Variants in CUX2 observed in about 807,000 individuals in gnomAD.
The protein encoded by CUX2 is homeobox protein cut-like 2.
A neutral mutation model predicts 144.8 loss-of-function variants in CUX2; 40 were observed. The observed-to-expected ratio is 0.28, with a 90% confidence interval of 0.21 to 0.36. CUX2 has a LOEUF of 0.36. Ranked by LOEUF, CUX2 falls within the 10% of genes least tolerant of loss-of-function variation. The pLI is 1.00. For synonymous variants in CUX2, 827 were observed against 875.6 expected, an observed-to-expected ratio of 0.94 and a Z score of 0.98; for missense variants, 1,615 against 1,994.0, an observed-to-expected ratio of 0.81 and a Z score of 3.62.
rs1877717755 is a variant in CUX2 at position 111,160,902 on chromosome 12, A to G, written c.64-53298A>G. On this transcript the variant is annotated intron_variant, in intron 1 of 21. Transcript: ENST00000261726. This position sits in a 1 kb window ranked among gnomAD's most constrained non-coding sequence, Gnocchi z 4.1. ...TCCGTGCCGCTTCCTGCCATGGGGA[A>G]GATGCAGGGAGGAATAGCGGGAGCA... is the stretch of plus-strand genomic sequence containing the variant. Among the ~76,000 whole-genome samples, 1 of 152,136 alleles carries G rather than the reference A, an allele frequency of 6.6e-6. No homozygotes were observed. Among genetic ancestry groups the G allele is most frequent in the Non-Finnish European group, 1.5e-5 (1 of 68,002 alleles).
chr12:111,098,900 C>T (rs1322532375), intron 1 of CUX2, among the ~76,000 whole-genome samples: 1 of 152,246 alleles, frequency 6.6e-6, no homozygotes, highest in African/African-American at 2.4e-5. Flanking sequence ...AAAGGGGGAG[C>T]ACCGCAGACT....
rs747244775 is a variant in CUX2 at position 111,308,449 on chromosome 12, C to T, written c.1181C>T (p.Ser394Leu). The change falls in exon 14 of 22, where the codon TCA (serine) becomes TTA (leucine). Residue 394 changes from serine (S) to leucine (L), a missense_variant. Transcript: ENST00000261726. ...LPQGMAKPEDSLLIAKEAFFP... is the reference protein window; with the variant it reads ...LPQGMAKPEDLLLIAKEAFFP... Reference sequence around the variant, plus strand: ...TAGGGCATGGCCAAGCCTGAAGACTCACTGCTTATTGCAAAGGAGGCCTTC... The same window carrying T: ...TAGGGCATGGCCAAGCCTGAAGACTTACTGCTTATTGCAAAGGAGGCCTTC... The T allele has an allele frequency of 5.0e-6, 8 of 1,614,146 alleles. No individual in the cohort carries two copies. The South Asian group carries it at 7.7e-5, about 16-fold the overall frequency.
At chr12:111,134,018 G>C (rs1392687190) in intron 1 of CUX2, among the ~76,000 whole-genome samples, 1 of 152,148 alleles carries the variant, frequency 6.6e-6, no homozygotes, top group Admixed American at 6.5e-5. Context: ...AACTTGCATT[G>C]TAATTCAGCC....
chr12:111,309,215 C>A (rs1886751765), intron 14 of CUX2, among the ~76,000 whole-genome samples: 1 of 152,202 alleles, frequency 6.6e-6, no homozygotes, highest in Non-Finnish European at 1.5e-5. Flanking sequence ...ACCCACTGAA[C>A]TTTTAGCCTT....
chr12:111,295,260 T>G lies in CUX2; in HGVS notation c.561-73T>G, dbSNP rs1200672964. 2.1e-6 allele frequency: 3 copies of G among 1,407,684 alleles called. No homozygotes were observed. The highest frequency in any genetic ancestry group is 2.9e-6 in the Non-Finnish European group (3 of 1,017,008). 87.2% of individuals were successfully genotyped at this position (1,407,684 alleles called of 1,614,324 possible). On this transcript the variant is annotated intron_variant, in intron 6 of 21. Transcript: ENST00000261726. The surrounding 1 kb of genome is among the most constrained non-coding windows in gnomAD (Gnocchi z 5.0). ...AGTGGGCAAGGGGTAGGAAGCAAGA[T>G]GGGGCTCGACTCGGGGGCCCCAGGC...
intron 1 of CUX2, among the ~76,000 whole-genome samples, chr12:111,074,982 T>G (rs1168449833): frequency 6.6e-6 from 1 of 152,110 alleles, no homozygotes; most frequent in African/African-American, 2.4e-5. Context: ...GTTCAGAGCC[T>G]TAGGGATTCT....
At chr12:111,316,428 G>A (rs1019021158) in intron 16 of CUX2, among the ~76,000 whole-genome samples, 3 of 147,534 alleles carry the variant, frequency 2.0e-5, no homozygotes, top group Non-Finnish European at 4.4e-5. Flanking sequence ...TTACACGCTT[G>A]AGCCACCGCG....
intron 1 of CUX2, among the ~76,000 whole-genome samples, chr12:111,102,036 C>G (rs1291179556): frequency 6.6e-6 from 1 of 152,222 alleles, no homozygotes; most frequent in African/African-American, 2.4e-5. Context: ...CCTGTCGGCA[C>G]ACAATATCCT....
chr12:111,100,289 G>A (rs1873140626), intron 1 of CUX2, among the ~76,000 whole-genome samples: 1 of 152,086 alleles, frequency 6.6e-6, no homozygotes, highest in Non-Finnish European at 1.5e-5. Context: ...ATGTATGCGT[G>A]GCCTGTGTGG....
intron 1 of CUX2, among the ~76,000 whole-genome samples, chr12:111,067,996 AC>A (rs1196953265): frequency 1.3e-5 from 2 of 151,758 alleles, no homozygotes; most frequent in Non-Finnish European, 2.9e-5. Flanking sequence ...GCCCATCACG[AC>A]CCCTCTAGCA....
chr12:111,144,384 C>T (rs972594352), intron 1 of CUX2, among the ~76,000 whole-genome samples: 4 of 152,204 alleles, frequency 2.6e-5, no homozygotes, highest in Non-Finnish European at 4.4e-5. Context: ...CGGAACGTCT[C>T]TTTTGGCCTC....
intron 1 of CUX2, among the ~76,000 whole-genome samples, chr12:111,067,014 T>A (rs1222916359): frequency 6.6e-6 from 1 of 152,228 alleles, no homozygotes; most frequent in Non-Finnish European, 1.5e-5. Flanking sequence ...CTGTTTCTCA[T>A]GATAACCGAC....
At chr12:111,092,117 A>G (rs1872591152) in intron 1 of CUX2, among the ~76,000 whole-genome samples, 1 of 152,240 alleles carries the variant, frequency 6.6e-6, no homozygotes, top group Admixed American at 6.5e-5. Flanking sequence ...GGGTACCACA[A>G]TTCAACCCAA....
At position 111,312,351 on chromosome 12, in the gene CUX2, G is replaced by T; in HGVS notation, c.2002+150G>T. 1 of 609,336 alleles carries T rather than the reference G, an allele frequency of 1.6e-6. No homozygotes were observed. 37.7% of individuals were successfully genotyped at this position (609,336 alleles called of 1,614,324 possible). On this transcript the variant is annotated intron_variant, in intron 16 of 21. Transcript: ENST00000261726. The surrounding 1 kb of genome is among the most constrained non-coding windows in gnomAD (Gnocchi z 4.3). ...AGAGGGACCTGTCTAGAGCGCATGG[G>T]TAGCTGTGGCACTGCTCAGAACCCT... is the stretch of plus-strand genomic sequence containing the variant.
intron 21 of CUX2, among the ~76,000 whole-genome samples, chr12:111,342,956 C>CAAAAAAAA (rs11314694): frequency 1.5e-5 from 1 of 68,468 alleles, no homozygotes; most frequent in Non-Finnish European, 2.8e-5. Context: ...GAGACTATCT[C>CAAAAAAAA]AAAAAAAAAA....
At chr12:111,189,577 G>GTATT (rs1337952567) in intron 1 of CUX2, among the ~76,000 whole-genome samples, 1 of 152,228 alleles carries the variant, frequency 6.6e-6, no homozygotes, top group Non-Finnish European at 1.5e-5. Context: ...GATCACAAAT[G>GTATT]TATTTATCCA....
chr12:111,099,871 G>A (rs1873100395), intron 1 of CUX2: 6 of 434,422 alleles, frequency 1.4e-5, no homozygotes, highest in East Asian at 7.0e-5. Context: ...TGGCTCAATC[G>A]AGAGCCAAAG....
chr12:111,338,353 G>A lies in CUX2; in HGVS notation c.3264G>A (p.Arg1088=). The change falls in exon 20 of 22, where the codon CGG becomes CGA. Residue 1088 remains arginine, a synonymous_variant. Coordinates refer to ENST00000261726, the MANE Select transcript of CUX2 (RefSeq NM_015267.4). ...GCTCCGTGTCTGACCTGCTGTCCCG[G>A]CCCAAACCCTGGCACAAGCTGAGCC... ...TQGSVSDLLS[R]PKPWHKLSLK... 6.2e-7 allele frequency: 1 copy of A among 1,614,056 alleles called. No homozygotes were observed. Among genetic ancestry groups the A allele is most frequent in the South Asian group, 1.1e-5 (1 of 91,068 alleles).
chr12:111,110,883 A>G (rs1171221341), intron 1 of CUX2, among the ~76,000 whole-genome samples: 1 of 152,194 alleles, frequency 6.6e-6, no homozygotes, highest in Non-Finnish European at 1.5e-5. Flanking sequence ...TTTCATCCCC[A>G]AGTCCCTCTT....
Sources: allele counts gnomAD v4.1 joint callset (sites outside exome capture counted in the v4.1 genomes callset), GRCh38; gene constraint gnomAD v4.1.1; non-coding constraint Gnocchi (gnomAD v3.1); transcripts MANE v1.5; gene names NCBI Gene and HGNC (gene_info 2026-07-23, HGNC 2026-07-21).